ORC2: variants seen among roughly 807,000 people sequenced by gnomAD.
ORC2 encodes origin recognition complex protein 2 homolog.
Under a neutral mutation model 77.7 loss-of-function variants are expected in ORC2, and 37 were observed. The ratio of observed to expected loss-of-function variants is 0.48; its 90% CI spans 0.37 to 0.63. The LOEUF (loss-of-function observed/expected upper bound fraction) is 0.63. ORC2 is among the 20% of genes least tolerant of loss of function. The pLI is 0.00. For synonymous variants in ORC2, 201 were observed against 229.5 expected, an observed-to-expected ratio of 0.88 and a Z score of 1.12; for missense variants, 557 against 661.9, an observed-to-expected ratio of 0.84 and a Z score of 1.74.
At chr2:200,951,310 A>G (rs1157514176) in intron 4 of ORC2, among the ~76,000 whole-genome samples, 1 of 152,210 alleles carries the variant, frequency 6.6e-6, no homozygotes. Flanking sequence ...GCCATTGTGA[A>G]TGAAATTGCT....
intron 12 of ORC2, 105 bp downstream of exon 12, chr2:200,926,663 G>A (rs1039931718): frequency 2.2e-5 from 25 of 1,116,426 alleles, no homozygotes; most frequent in African/African-American, 4.6e-5. Context: ...TCCTACTACC[G>A]TGAAGGCTAA....
In ORC2 at chr2:200,910,550, A is replaced by C. The variant is rs2040533712; in HGVS notation, c.*751T>G. The C allele has an allele frequency of 6.6e-6, 1 of 152,194 alleles. No homozygotes were observed. The highest frequency in any genetic ancestry group is 1.5e-5 in the Non-Finnish European group (1 of 68,020). The allele number at this position is 152,194 out of a possible 1,614,324, so 9.4% of individuals were successfully genotyped here. A position where few individuals can be genotyped will look rare whatever the true frequency, so the allele number is the denominator to read the frequency against. ...TTACTAAAATGTAATTCAGGATTTT[A>C]TTTCTCTAGCCTGGCTTCTCACTGG... is the stretch of plus-strand genomic sequence containing the variant. On this transcript the variant is annotated 3_prime_UTR_variant, in exon 18 of 18. Transcript: ENST00000234296.
At chr2:200,938,079 A>C (rs530528421) in intron 7 of ORC2, 113 bp from the exon 8 acceptor site, 1 of 648,228 alleles carries the variant, frequency 1.5e-6, no homozygotes, top group Non-Finnish European at 2.7e-6. Context: ...CTGCATTAGA[A>C]CTAGATGAGC....
chr2:200,957,892 G>T, intron 3 of ORC2, 138 bp downstream of exon 3: 1 of 529,788 alleles, frequency 1.9e-6, no homozygotes, highest in South Asian at 3.8e-5. Context: ...AAAAATTAAA[G>T]CAGTTTTTAT....
At chr2:200,948,183 G>T (rs2041286680) in intron 5 of ORC2, among the ~76,000 whole-genome samples, 1 of 151,986 alleles carries the variant, frequency 6.6e-6, no homozygotes, top group Non-Finnish European at 1.5e-5. Flanking sequence ...AAAGTGCTGG[G>T]ATTACAGGCG....
At chr2:200,957,597 C>T in intron 3 of ORC2, 53 bp from the exon 4 acceptor site, 2 of 1,271,452 alleles carry the variant, frequency 1.6e-6, no homozygotes, top group Admixed American at 2.6e-5. Flanking sequence ...TCTTTCTAAA[C>T]ATTACATTTA....
chr2:200,938,756 G>A (rs1170358607), intron 7 of ORC2, among the ~76,000 whole-genome samples: 1 of 152,116 alleles, frequency 6.6e-6, no homozygotes, highest in Non-Finnish European at 1.5e-5. Context: ...TAGTACTCTA[G>A]GCCGGGCACA....
intron 4 of ORC2, among the ~76,000 whole-genome samples, chr2:200,954,900 G>A (rs867275005): frequency 4.3e-5 from 6 of 138,304 alleles, no homozygotes; most frequent in South Asian, 2.2e-4. Context: ...ATGAATGAAT[G>A]AATGAATAAA....
intron 5 of ORC2, among the ~76,000 whole-genome samples, chr2:200,946,147 T>C (rs1022177316): frequency 6.6e-6 from 1 of 150,676 alleles, no homozygotes; most frequent in African/African-American, 2.5e-5. Flanking sequence ...TATGAAAATC[T>C]ATTTTTTTTT....
At chr2:200,917,901 T>G (rs867032074) in intron 15 of ORC2, among the ~76,000 whole-genome samples, 60 of 150,594 alleles carry the variant, frequency 4.0e-4, no homozygotes, top group Non-Finnish European at 6.2e-4. Context: ...CTAGGGGGGG[T>G]TAAAAAAAAA....
At chr2:200,958,176 A>G (rs2041507424) in intron 2 of ORC2, 43 bp from the exon 3 acceptor site, 3 of 1,089,016 alleles carry the variant, frequency 2.8e-6, no homozygotes, top group South Asian at 1.3e-5. Flanking sequence ...TGAAGAATTC[A>G]TATCAACCAC....
At chr2:200,912,248 C>A (rs565860401) in intron 17 of ORC2, among the ~76,000 whole-genome samples, 1 of 152,284 alleles carries the variant, frequency 6.6e-6, no homozygotes, top group South Asian at 2.1e-4. Flanking sequence ...GAATCATAAT[C>A]TTCTCTCTCC....
chr2:200,939,951 G>A (rs1317878998), intron 7 of ORC2, among the ~76,000 whole-genome samples: 1 of 152,174 alleles, frequency 6.6e-6, no homozygotes, highest in Non-Finnish European at 1.5e-5. Context: ...TGAAAGTCTG[G>A]CATGTCTAAT....
intron 9 of ORC2, among the ~76,000 whole-genome samples, chr2:200,934,398 C>T (rs1372784424): frequency 6.6e-6 from 1 of 151,832 alleles, no homozygotes; most frequent in Non-Finnish European, 1.5e-5. Context: ...CACTGTACCC[C>T]CAACCTCCTG....
chr2:200,925,355 T>C (rs2040824228), intron 13 of ORC2, among the ~76,000 whole-genome samples: 2 of 152,126 alleles, frequency 1.3e-5, no homozygotes, highest in South Asian at 4.1e-4. Flanking sequence ...AAAGTGGGAC[T>C]AACATTTTTC....
chr2:200,917,891 C>G (rs1220388167), intron 15 of ORC2, among the ~76,000 whole-genome samples: 1 of 150,996 alleles, frequency 6.6e-6, no homozygotes, highest in Non-Finnish European at 1.5e-5. Context: ...AAATAAATTG[C>G]TAGGGGGGGT....
rs769864966 is a variant in ORC2 at position 200,958,013 on chromosome 2, G to A, written c.94+17C>T. The A allele has an allele frequency of 2.1e-6, 3 of 1,431,552 alleles. No homozygotes were observed. The highest frequency in any genetic ancestry group is 1.7e-5 in the Admixed American group (1 of 58,776). 88.7% of individuals were successfully genotyped at this position (1,431,552 alleles called of 1,614,324 possible). A position where few individuals can be genotyped will look rare whatever the true frequency, so the allele number is the denominator to read the frequency against. ...ATTATAATAAGCATCTCTTCAAATT[G>A]TACAATCACTTAATACCTCCTTCTC... On this transcript the variant is annotated intron_variant, in intron 3 of 17. Coordinates refer to ENST00000234296, the MANE Select transcript of ORC2 (RefSeq NM_006190.5).
chr2:200,949,402 TC>T, intron 5 of ORC2, 151 bp downstream of exon 5: 1 of 581,212 alleles, frequency 1.7e-6, no homozygotes, highest in Non-Finnish European at 3.1e-6. Flanking sequence ...ATAACATCCT[TC>T]TTTTAGGGAA....
At position 200,941,299 on chromosome 2, in the gene ORC2, G is replaced by C; in HGVS notation, c.422-20C>G. ...AATGGCCTAAAGAATGAAACAAAAA[G>C]CCATGACTTACTACGGACACTTCAC... On this transcript the variant is annotated intron_variant, in intron 6 of 17. Coordinates refer to ENST00000234296, the MANE Select transcript of ORC2 (RefSeq NM_006190.5). 6.2e-7 allele frequency: 1 copy of C among 1,605,466 alleles called. No homozygotes were observed. Among genetic ancestry groups the C allele is most frequent in the Non-Finnish European group, 8.5e-7 (1 of 1,173,818 alleles).
Sources: gnomAD v4.1 joint callset for allele counts (sites outside exome capture counted in the v4.1 genomes callset) on GRCh38, gnomAD v4.1.1 for gene constraint, MANE v1.5 for transcripts, NCBI Gene and HGNC (gene_info 2026-07-23, HGNC 2026-07-21) for gene names.